Variants in USP34 observed in about 807,000 individuals in gnomAD.
USP34 encodes ubiquitin carboxyl-terminal hydrolase 34.
USP34 carries 70 observed loss-of-function variants against 460.3 expected under a neutral mutation model. The ratio of observed to expected loss-of-function variants is 0.15; its 90% confidence interval spans 0.13 to 0.19. USP34 has a LOEUF of 0.19. Ranked by LOEUF, USP34 falls within the 10% of genes least tolerant of loss-of-function variation. The probability of loss-of-function intolerance (pLI) is 1.00; values close to 1 mark genes in which losing one functional copy is unlikely to be tolerated. For missense variants in USP34, 3,985 were observed against 4,236.2 expected, an observed-to-expected ratio of 0.94 and a Z score of 1.65; for synonymous variants, 1,647 against 1,405.3, an observed-to-expected ratio of 1.17 and a Z score of -3.85.
intron 1 of USP34, among the ~76,000 whole-genome samples, chr2:61,453,735 A>G (rs1222933464): frequency 9.5e-5 from 14 of 147,906 alleles, no homozygotes; most frequent in Non-Finnish European, 1.5e-4. Flanking sequence ...AAAAAAAAAA[A>G]GGAAGAAGAA....
At chr2:61,450,931 G>T (rs1205639100) in intron 1 of USP34, among the ~76,000 whole-genome samples, 9 of 148,676 alleles carry the variant, frequency 6.1e-5, no homozygotes, top group African/African-American at 2.2e-4. Flanking sequence ...TAACAAATGA[G>T]TAACTTGGCC....
chr2:61,356,500 TAC>T (rs1426336234), intron 10 of USP34, among the ~76,000 whole-genome samples: 3 of 128,482 alleles, frequency 2.3e-5, no homozygotes, highest in Admixed American at 2.3e-4. Flanking sequence ...CACACACACA[TAC>T]ACACACACAC....
intron 53 of USP34, among the ~76,000 whole-genome samples, chr2:61,239,295 C>T (rs1427551726): frequency 7.6e-6 from 1 of 131,284 alleles, no homozygotes; most frequent in Non-Finnish European, 1.6e-5. Context: ...TAAATGAGGG[C>T]CCTGTCACAC....
chr2:61,314,596 C>T lies in USP34; in HGVS notation c.3531G>A (p.Ala1177=), dbSNP rs567275702. 108 of 1,520,458 alleles carry T rather than the reference C, an allele frequency of 7.1e-5. No homozygotes were observed. The South Asian group carries it at 1.0e-3, about 15-fold the overall frequency. The allele number at this position is 1,520,458 out of a possible 1,614,324, so 94.2% of individuals were successfully genotyped here. ...ATTTTAAAAATTACCTTCTCCTAAACGCTTCCAGATGTGTCTTCAGCATAA... is the reference window on the plus strand; with the variant it reads ...ATTTTAAAAATTACCTTCTCCTAAATGCTTCCAGATGTGTCTTCAGCATAA... The part of the protein sequence containing the change: ...GLLMLKTHLE[A]FRRRFAYHLR... The change falls in exon 25 of 80, where the codon GCG becomes GCA. Residue 1177 remains alanine, a synonymous_variant. Coordinates refer to ENST00000398571, the MANE Select transcript of USP34 (RefSeq NM_014709.4).
At chr2:61,428,080 G>A (rs574164752) in intron 1 of USP34, among the ~76,000 whole-genome samples, 9 of 151,374 alleles carry the variant, frequency 5.9e-5, no homozygotes, top group South Asian at 2.1e-4. Context: ...CAGAAGAATC[G>A]CTTGAACCCG....
chr2:61,441,792 G>A (rs1694970875), intron 1 of USP34, among the ~76,000 whole-genome samples: 1 of 104,336 alleles, frequency 9.6e-6, no homozygotes. Context: ...CAGAGAGAGA[G>A]ACTGCATTAC....
chr2:61,451,454 G>T (rs1695274266), intron 1 of USP34, among the ~76,000 whole-genome samples: 1 of 151,922 alleles, frequency 6.6e-6, no homozygotes, highest in South Asian at 2.1e-4. Context: ...GGAGGCCAAG[G>T]TGGGCGGATC....
At chr2:61,316,643 G>A (rs1260298505) in intron 23 of USP34, among the ~76,000 whole-genome samples, 5 of 151,196 alleles carry the variant, frequency 3.3e-5, no homozygotes, top group East Asian at 3.9e-4. Context: ...CCAGCAGTTC[G>A]GGAGGCCAAG....
intron 1 of USP34, among the ~76,000 whole-genome samples, chr2:61,428,934 C>A (rs1694586612): frequency 6.6e-6 from 1 of 152,068 alleles, no homozygotes; most frequent in Non-Finnish European, 1.5e-5. Flanking sequence ...AGGTAGCCAA[C>A]AAACAAAACA....
intron 2 of USP34, among the ~76,000 whole-genome samples, chr2:61,414,547 G>A (rs147981287): frequency 6.6e-6 from 1 of 152,272 alleles, no homozygotes; most frequent in Non-Finnish European, 1.5e-5. Flanking sequence ...ATGACAAAAT[G>A]GAATCCAGGA....
chr2:61,188,134 T>A lies in USP34; in HGVS notation c.10609A>T (p.Ile3537Leu), dbSNP rs900169166. Residue 3537 changes from isoleucine (I) to leucine (L), a missense_variant, in exon 80 of 80, where the codon ATA becomes TTA. By Grantham distance (5) the Ile-to-Leu change is conservative (BLOSUM62 2). Around this residue, in one of 14 missense-constraint regions of USP34, gnomAD observed 506 missense variants for 439.0 expected, o/e 1.15. Transcript: ENST00000398571. ...GCAGCTTGGTTTCCTTTGCCAGATA[T>A]CCTTGTGACGACATGGATTGTAGAT... ...IESTIHVVTR[I>L]SGKGNQAAS 1 of 1,613,628 alleles carries A rather than the reference T, an allele frequency of 6.2e-7. No homozygotes were observed. The highest frequency in any genetic ancestry group is 2.2e-5 in the East Asian group (1 of 44,880).
intron 27 of USP34, among the ~76,000 whole-genome samples, chr2:61,302,859 G>T (rs879747313): frequency 6.6e-6 from 1 of 151,620 alleles, no homozygotes; most frequent in Non-Finnish European, 1.5e-5. Context: ...TTATAATATT[G>T]CTTAGTTTAT....
intron 27 of USP34, among the ~76,000 whole-genome samples, chr2:61,306,293 G>A (rs1461187040): frequency 1.3e-5 from 2 of 152,182 alleles, no homozygotes; most frequent in Non-Finnish European, 2.9e-5. Context: ...CATATGGCTA[G>A]CCAGTTTTCC....
At chr2:61,434,892 T>C (rs371433819) in intron 1 of USP34, among the ~76,000 whole-genome samples, 1 of 151,842 alleles carries the variant, frequency 6.6e-6, no homozygotes, top group Non-Finnish European at 1.5e-5. Flanking sequence ...TAAAGAAATA[T>C]ATAAAATGCC....
At chr2:61,440,252 T>G (rs1283366935) in intron 1 of USP34, among the ~76,000 whole-genome samples, 2 of 152,014 alleles carry the variant, frequency 1.3e-5, no homozygotes, top group Non-Finnish European at 2.9e-5. Flanking sequence ...ACACCTCAAT[T>G]TCTCAAATTC....
At chr2:61,355,349 A>C (rs1030026170) in intron 10 of USP34, among the ~76,000 whole-genome samples, 4 of 152,196 alleles carry the variant, frequency 2.6e-5, no homozygotes, top group Non-Finnish European at 5.9e-5. Context: ...TTGTAACTCC[A>C]CTTTTTATTT....
At chr2:61,341,525 ATT>A (rs1691599287) in intron 16 of USP34, among the ~76,000 whole-genome samples, 2 of 151,976 alleles carry the variant, frequency 1.3e-5, no homozygotes, top group Admixed American at 6.6e-5. Flanking sequence ...GAATTCTTAC[ATT>A]GAGTTCAGAT....
intron 2 of USP34, among the ~76,000 whole-genome samples, chr2:61,410,712 A>G (rs767114279): frequency 2.6e-5 from 4 of 152,346 alleles, no homozygotes; most frequent in Non-Finnish European, 4.4e-5. Context: ...ACTAAAGAAC[A>G]CTCTAGAAAA....
intron 41 of USP34, among the ~76,000 whole-genome samples, chr2:61,276,104 C>T (rs1475330024): frequency 3.9e-5 from 6 of 152,034 alleles, no homozygotes; most frequent in Non-Finnish European, 5.9e-5. Context: ...CACCAATTAA[C>T]AAAGAAATAA....
Sources: allele counts gnomAD v4.1 joint callset (sites outside exome capture counted in the v4.1 genomes callset), GRCh38; gene constraint gnomAD v4.1.1; regional missense constraint gnomAD v4.1.1; transcripts MANE v1.5; gene names NCBI Gene and HGNC (gene_info 2026-07-23, HGNC 2026-07-21).